Variants in SAXO1 observed in about 807,000 individuals in gnomAD.
SAXO1 encodes 4930500O09Rik.
SAXO1 carries 21 observed loss-of-function variants against 17.5 expected under a neutral mutation model. That is an observed-to-expected ratio of 1.20 (90% CI 0.85 to 1.72). The LOEUF is 1.72. Among genes scored for constraint, SAXO1 ranks in the 40% most tolerant of loss-of-function variants. SAXO1 has a pLI of 0.00. For missense variants in SAXO1, 843 were observed against 596.0 expected, an observed-to-expected ratio of 1.41 and a Z score of -4.32; for synonymous variants, 274 against 216.5, an observed-to-expected ratio of 1.27 and a Z score of -2.33.
chr9:18,933,076 T>C (rs1218891700), intron 3 of SAXO1, among the ~76,000 whole-genome samples: 1 of 152,242 alleles, frequency 6.6e-6, no homozygotes, highest in African/African-American at 2.4e-5. Context: ...TGAGTGGAAG[T>C]GGTGAAAGCT....
chr9:18,930,178 G>T (rs1325965131), intron 3 of SAXO1, among the ~76,000 whole-genome samples: 14 of 152,080 alleles, frequency 9.2e-5, no homozygotes, highest in Non-Finnish European at 1.9e-4. Flanking sequence ...ATAATCAGAG[G>T]GAAGATTTTC....
chr9:19,011,082 G>A (rs1834713992), intron 1 of SAXO1, among the ~76,000 whole-genome samples: 3 of 152,124 alleles, frequency 2.0e-5, no homozygotes, highest in African/African-American at 7.2e-5. Flanking sequence ...GTTTTATGTA[G>A]ATGTTTCAGT....
chr9:18,987,407 C>T (rs1215715327), intron 1 of SAXO1, among the ~76,000 whole-genome samples: 6 of 152,182 alleles, frequency 3.9e-5, no homozygotes, highest in Non-Finnish European at 5.9e-5. Context: ...TTCATTATAA[C>T]TGAGATTTCA....
intron 1 of SAXO1, among the ~76,000 whole-genome samples, chr9:18,989,137 C>G (rs925011495): frequency 2.6e-5 from 4 of 152,120 alleles, no homozygotes; most frequent in Non-Finnish European, 4.4e-5. Context: ...TGGAAAATGG[C>G]AAATATCCCA....
At chr9:19,034,688 G>A (rs1347665631), upstream of SAXO1, among the ~76,000 whole-genome samples, 1 of 152,114 alleles carries the variant, frequency 6.6e-6, no homozygotes. Flanking sequence ...CTTCCCAGTA[G>A]GAAGTCAGAA....
At chr9:18,963,430 C>G (rs117658725) in intron 1 of SAXO1, among the ~76,000 whole-genome samples, 1 of 151,970 alleles carries the variant, frequency 6.6e-6, no homozygotes, top group African/African-American at 2.4e-5. Flanking sequence ...TTCTTCCTAT[C>G]CATGAGCATG....
chr9:19,032,925 C>T lies in SAXO1; in HGVS notation c.-17G>A. ...CGTCTTCATAGGGGCGATCCTGAGG[C>T]CCTGACGTCCCCTCAGAGCATCGCC... On this transcript the variant is annotated 5_prime_UTR_variant, in exon 1 of 4. Transcript: ENST00000380534. 6.2e-7 allele frequency: 1 copy of T among 1,605,292 alleles called. No homozygotes were observed. The highest frequency in any genetic ancestry group is 8.5e-7 in the Non-Finnish European group (1 of 1,178,236).
At chr9:19,026,918 G>T in intron 1 of SAXO1, 1 of 784,034 alleles carries the variant, frequency 1.3e-6, no homozygotes, top group Non-Finnish European at 2.3e-6. Flanking sequence ...ATGAGGCCAA[G>T]CAAGATGGAA....
chr9:18,979,600 G>C (rs997900187), intron 1 of SAXO1, among the ~76,000 whole-genome samples: 1 of 152,228 alleles, frequency 6.6e-6, no homozygotes, highest in African/African-American at 2.4e-5. Flanking sequence ...GTTGACTTCA[G>C]ACTCTGGATT....
chr9:19,012,856 G>A (rs148826549), intron 1 of SAXO1, among the ~76,000 whole-genome samples: 1 of 152,154 alleles, frequency 6.6e-6, no homozygotes, highest in East Asian at 1.9e-4. Context: ...TAATATTAAG[G>A]GAGGCGCTGC....
At chr9:18,949,084 A>G (rs1831918064) in intron 2 of SAXO1, among the ~76,000 whole-genome samples, 1 of 152,330 alleles carries the variant, frequency 6.6e-6, no homozygotes, top group Non-Finnish European at 1.5e-5. Flanking sequence ...TCTCAGAGAC[A>G]AAGAATACTG....
chr9:18,931,415 G>A (rs1345602452), intron 3 of SAXO1, among the ~76,000 whole-genome samples: 1 of 152,126 alleles, frequency 6.6e-6, no homozygotes, highest in East Asian at 1.9e-4. Context: ...ACCAATTGAT[G>A]GACATTTTGA....
intron 1 of SAXO1, among the ~76,000 whole-genome samples, chr9:19,011,997 C>T (rs2130990583): frequency 6.6e-6 from 1 of 152,188 alleles, no homozygotes; most frequent in South Asian, 2.1e-4. Context: ...AGGCGCAGGT[C>T]ACCATGCCCG....
At chr9:18,993,069 A>G (rs1833871552) in intron 1 of SAXO1, among the ~76,000 whole-genome samples, 1 of 151,850 alleles carries the variant, frequency 6.6e-6, no homozygotes, top group African/African-American at 2.4e-5. Context: ...CAAAGTGCTG[A>G]GATTACTGGT....
intron 3 of SAXO1, among the ~76,000 whole-genome samples, chr9:18,938,838 G>GTGTGTGTGTGTA (rs1210077902): frequency 2.5e-4 from 38 of 151,180 alleles, no homozygotes; most frequent in Middle Eastern, 3.5e-3. Context: ...GTGTGTGTGT[G>GTGTGTGTGTGTA]TGTGTGTGTG....
intron 1 of SAXO1, among the ~76,000 whole-genome samples, chr9:18,985,163 T>TCAGAA (rs1352089771): frequency 6.6e-6 from 1 of 151,950 alleles, no homozygotes; most frequent in Non-Finnish European, 1.5e-5. Flanking sequence ...GGTGGAGTAG[T>TCAGAA]CAGAACACAC....
chr9:18,949,351 G>A (rs189857896), intron 2 of SAXO1, among the ~76,000 whole-genome samples: 3 of 144,182 alleles, frequency 2.1e-5, no homozygotes, highest in East Asian at 2.0e-4. Context: ...CCAGCTACTA[G>A]GAGACTGAGG....
Position 18,928,002 on chromosome 9 carries a change from T to C in SAXO1, c.*50A>G, listed in dbSNP as rs753501081. On this transcript the variant is annotated 3_prime_UTR_variant, in exon 4 of 4. Transcript: ENST00000380534. ...TTTTGTCCAACAAATAATTCTCAGT[T>C]GTCTGCTTTTAAAAGTACTGTGTAA... 18 of 1,458,214 alleles carry C rather than the reference T, an allele frequency of 1.2e-5. No individual in the cohort carries two copies. The highest frequency in any genetic ancestry group is 1.6e-5 in the Non-Finnish European group (18 of 1,098,470). 90.3% of individuals were successfully genotyped at this position (1,458,214 alleles called of 1,614,324 possible).
chr9:18,927,939 T>C lies in SAXO1; in HGVS notation c.*113A>G. On this transcript the variant is annotated 3_prime_UTR_variant, in exon 4 of 4. Transcript: ENST00000380534. ...CAAGTGCTCTGGAAGTGGTGAAGGT[T>C]TTTTGTTTTTTGTTTTTTGTCATTT... The C allele has an allele frequency of 8.3e-7, 1 of 1,204,652 alleles. No homozygotes were observed. Among genetic ancestry groups the C allele is most frequent in the Admixed American group, 2.4e-5 (1 of 41,388 alleles). The allele number at this position is 1,204,652 out of a possible 1,614,324, so 74.6% of individuals were successfully genotyped here. A position where few individuals can be genotyped will look rare whatever the true frequency, so the allele number is the denominator to read the frequency against.
Sources: allele counts gnomAD v4.1 joint callset (sites outside exome capture counted in the v4.1 genomes callset), GRCh38; gene constraint gnomAD v4.1.1; transcripts MANE v1.5; gene names NCBI Gene and HGNC (gene_info 2026-07-23, HGNC 2026-07-21).